The following FGF13 variants were observed in gnomAD, a reference collection of about 807,000 sequenced individuals.
FGF13 encodes fibroblast growth factor homologous factor 2.
FGF13 carries 2 observed loss-of-function variants against 19.5 expected under a neutral mutation model. The ratio of observed to expected loss-of-function variants is 0.10; its 90% confidence interval spans 0.04 to 0.32. FGF13 has a LOEUF of 0.32. Among genes scored for constraint, FGF13 ranks in the 10% least tolerant of loss-of-function variants. The pLI is 1.00. For missense variants in FGF13, 113 were observed against 192.7 expected (o/e 0.59, Z 2.45); for synonymous variants, 72 against 76.9 (o/e 0.94, Z 0.33).
chrX:138,926,814 G>A (rs2124252095), intron 1 of FGF13, among the ~76,000 whole-genome samples: 1 of 111,441 alleles, frequency 9.0e-6, no homozygotes, highest in African/African-American at 3.3e-5. Context: ...TTAGTAGGGT[G>A]TGGTGTGGCG....
At chrX:138,883,248 C>G (rs2091436745) in intron 1 of FGF13, among the ~76,000 whole-genome samples, 1 of 112,033 alleles carries the variant, frequency 8.9e-6, no homozygotes, top group Admixed American at 9.5e-5. Flanking sequence ...GTAATCGCCT[C>G]TGATTTGGAG....
upstream of FGF13, chrX:139,204,044 G>A (rs753946524): frequency 4.1e-6 from 5 of 1,207,191 alleles, no homozygotes; most frequent in African/African-American, 1.7e-5. Flanking sequence ...AGGCGGACTC[G>A]GCGGGCGGGC....
rs770652436 is a variant in FGF13, at chrX:139,105,625, T to C, written c.-113+97791A>G. 1.6e-3 allele frequency among the ~76,000 whole-genome samples: 180 copies of C among 112,057 alleles called. 1 individual carries two copies. Among genetic ancestry groups the C allele is most frequent in the Non-Finnish European group, 2.8e-3 (151 of 53,210 alleles). On this transcript the variant is annotated intron_variant, in intron 1 of 2. Coordinates refer to the FGF13 transcript ENST00000421460. ...AGTGAGGATCCAATAAGATGGGGCATATAAAGCAACTAGCACAGGTTGGGA... is the reference window on the plus strand; with the variant it reads ...AGTGAGGATCCAATAAGATGGGGCACATAAAGCAACTAGCACAGGTTGGGA...
intron 1 of FGF13, among the ~76,000 whole-genome samples, chrX:139,012,555 C>G (rs1205081568): frequency 1.8e-5 from 2 of 111,368 alleles, no homozygotes; most frequent in African/African-American, 6.5e-5. Context: ...ATACTTACAG[C>G]CAACTGATTT....
intron 1 of FGF13, among the ~76,000 whole-genome samples, chrX:138,872,874 A>G (rs1395149435): frequency 1.8e-5 from 2 of 111,131 alleles, no homozygotes; most frequent in African/African-American, 3.3e-5. Context: ...TTAAGTTTGT[A>G]GGGGGAGGGC....
chrX:138,934,363 G>A lies in FGF13; in HGVS notation c.-112-69713C>T, dbSNP rs139865427. Among the ~76,000 whole-genome samples the A allele has an allele frequency of 7.0e-4, 78 of 112,148 alleles. 1 individual carries two copies. In the East Asian group the frequency reaches 0.015, roughly 22 times the overall value. On this transcript the variant is annotated intron_variant, in intron 1 of 2. Transcript: ENST00000421460. ...TCCTTAAAAAGCTGATCAAGATAAG[G>A]AGGAGGAACATTCTTCCCCATATGA...
At chrX:138,892,068 C>A (rs944276909) in intron 1 of FGF13, among the ~76,000 whole-genome samples, 5 of 107,909 alleles carry the variant, frequency 4.6e-5, no homozygotes, top group African/African-American at 1.7e-4. Flanking sequence ...TCTAAGAGAA[C>A]CCTGACTAAT....
intron 1 of FGF13, among the ~76,000 whole-genome samples, chrX:138,933,465 T>A (rs931641337): frequency 1.8e-5 from 2 of 110,787 alleles, no homozygotes; most frequent in African/African-American, 6.6e-5. Flanking sequence ...AAAAGTTGTG[T>A]CCCCCACTCT....
At chrX:139,023,783 T>C (rs1248634721) in intron 1 of FGF13, among the ~76,000 whole-genome samples, 2 of 111,307 alleles carry the variant, frequency 1.8e-5, no homozygotes, top group African/African-American at 3.3e-5. Context: ...GTTGCTATGA[T>C]CTCATTTTAG....
At chrX:138,870,365 G>A (rs1327403265) in intron 1 of FGF13, among the ~76,000 whole-genome samples, 1 of 111,818 alleles carries the variant, frequency 8.9e-6, no homozygotes, top group Non-Finnish European at 1.9e-5. Flanking sequence ...AGAGAAAACT[G>A]AATGTCAAAG....
chrX:138,643,126 G>A (rs2089267872), intron 3 of FGF13, among the ~76,000 whole-genome samples: 1 of 111,906 alleles, frequency 8.9e-6, no homozygotes, highest in Admixed American at 9.5e-5. Context: ...TCAGGAACCT[G>A]TCAACCAATG....
At chrX:138,780,202 G>A (rs1210633526) in intron 3 of FGF13, among the ~76,000 whole-genome samples, 5 of 109,871 alleles carry the variant, frequency 4.6e-5, no homozygotes, top group East Asian at 2.9e-4. Flanking sequence ...ACCAGCCGCC[G>A]CAAAATCATG....
intron 1 of FGF13, among the ~76,000 whole-genome samples, chrX:138,997,942 C>T (rs1003827104): frequency 3.6e-5 from 4 of 111,470 alleles, no homozygotes; most frequent in South Asian, 7.7e-4. Flanking sequence ...AGAGAAAGGT[C>T]GGGTTACCCA....
At chrX:139,069,763 G>A (rs1230105205) in intron 1 of FGF13, among the ~76,000 whole-genome samples, 2 of 111,858 alleles carry the variant, frequency 1.8e-5, no homozygotes, top group Non-Finnish European at 3.8e-5. Flanking sequence ...AAACAGCATG[G>A]TACTGGCACG....
chrX:139,097,577 G>C, intron 1 of FGF13, among the ~76,000 whole-genome samples: 1 of 111,615 alleles, frequency 9.0e-6, no homozygotes, highest in Non-Finnish European at 1.9e-5. Flanking sequence ...AAAGGAGAGA[G>C]AAAAATAAAT....
chrX:138,819,413 C>G (rs1354298538), intron 3 of FGF13, among the ~76,000 whole-genome samples: 2 of 111,222 alleles, frequency 1.8e-5, no homozygotes, highest in Non-Finnish European at 3.8e-5. Context: ...ATGCTTCTAG[C>G]TACTAGTACA....
chrX:138,854,317 T>C (rs1001497191), downstream of FGF13, among the ~76,000 whole-genome samples: 7 of 111,965 alleles, frequency 6.3e-5, no homozygotes, highest in Non-Finnish European at 1.3e-4. Context: ...TATTCATAAA[T>C]AGAAACCTGG....
At chrX:138,760,599 G>C (rs1407581038) in intron 3 of FGF13, among the ~76,000 whole-genome samples, 1 of 111,748 alleles carries the variant, frequency 8.9e-6, no homozygotes, top group Non-Finnish European at 1.9e-5. Context: ...AAGACTGAGG[G>C]CTAGCAGGCT....
At chrX:139,081,623 A>AT (rs1218776586) in intron 1 of FGF13, among the ~76,000 whole-genome samples, 5 of 111,082 alleles carry the variant, frequency 4.5e-5, no homozygotes, top group Admixed American at 3.8e-4. Flanking sequence ...TGAAGTCTTG[A>AT]TTTTTTCCTG....
Sources: gnomAD v4.1 joint callset for allele counts (sites outside exome capture counted in the v4.1 genomes callset) on GRCh38, gnomAD v4.1.1 for gene constraint, MANE v1.5 for transcripts, NCBI Gene and HGNC (gene_info 2026-07-23, HGNC 2026-07-21) for gene names.